Variants in CRLF1 observed in about 807,000 individuals in gnomAD.
CRLF1 encodes the protein cytokine receptor-like factor 1.
CRLF1 carries 36 observed loss-of-function variants against 48.9 expected under a neutral mutation model. The observed-to-expected ratio is 0.74, with a 90% confidence interval of 0.56 to 0.97. CRLF1 has a LOEUF of 0.97. Ranked by LOEUF, CRLF1 falls within the 50% of genes least tolerant of loss-of-function variation. The pLI is 0.00. For synonymous variants in CRLF1, 256 were observed against 253.4 expected, an observed-to-expected ratio of 1.01 and a Z score of -0.10; for missense variants, 534 against 575.1, an observed-to-expected ratio of 0.93 and a Z score of 0.73.
chr19:18,598,681 G>A, intron 3 of CRLF1, 80 bp from the exon 4 acceptor site: 1 of 1,613,740 alleles, frequency 6.2e-7, no homozygotes, highest in Admixed American at 1.7e-5. Context: ...TCAGGGTGCA[G>A]ACAACACATG....
rs1156360635 is a variant in CRLF1, at chr19:18,593,482, A to C, written c.*84T>G. 3.2e-6 allele frequency: 5 copies of C among 1,582,504 alleles called. No individual in the cohort carries two copies. The East Asian group carries it at 9.2e-5, about 29-fold the overall frequency. On this transcript the variant is annotated 3_prime_UTR_variant, in exon 9 of 9. Transcript: ENST00000392386. ...TGCTGAGGGTGGCTCAGGTGCCCTG[A>C]AGTGAGGGTACAGAGGTGGCCCCAG...
chr19:18,605,410 A>T (rs910433408), intron 1 of CRLF1, among the ~76,000 whole-genome samples: 2 of 152,006 alleles, frequency 1.3e-5, no homozygotes, highest in African/African-American at 2.4e-5. Flanking sequence ...GCCTGGGAGC[A>T]GTGTGTGCCC....
chr19:18,604,947 C>T (rs1055449477), intron 1 of CRLF1, among the ~76,000 whole-genome samples: 7 of 152,148 alleles, frequency 4.6e-5, no homozygotes, highest in South Asian at 4.2e-4. Context: ...GCAAGCAGGG[C>T]GGAAGGGTGG....
At chr19:18,597,086 T>C in intron 4 of CRLF1, 37 bp from the exon 5 acceptor site, 1 of 1,597,784 alleles carries the variant, frequency 6.3e-7, no homozygotes, top group Non-Finnish European at 8.5e-7. Context: ...AGCCTGGGAC[T>C]GTCTGGGTTT....
chr19:18,593,971 G>C, intron 8 of CRLF1, 94 bp downstream of exon 8: 1 of 1,514,642 alleles, frequency 6.6e-7, no homozygotes, highest in Non-Finnish European at 8.9e-7. Context: ...CTAAGGCTGG[G>C]GTTGGGAGGC....
intron 2 of CRLF1, 51 bp downstream of exon 2, chr19:18,599,514 G>A: frequency 6.2e-7 from 1 of 1,609,944 alleles, no homozygotes; most frequent in Non-Finnish European, 8.5e-7. Flanking sequence ...ACTCCAGAGG[G>A]AGATGCCGCT....
Position 18,596,616 on chromosome 19 carries a change from G to GCTCA in CRLF1, c.1024+2_1024+5dup, listed in dbSNP as rs777524208. The GCTCA allele has an allele frequency of 7.4e-6, 12 of 1,613,912 alleles. No individual in the cohort carries two copies. The highest frequency in any genetic ancestry group is 4.5e-5 in the East Asian group (2 of 44,884). ...CTGGATCACCCAGCCCTAGGAGGGTGCTCACCACTGCGGGGAGTGGAGGCG... is the reference window on the plus strand; with the variant it reads ...CTGGATCACCCAGCCCTAGGAGGGTGCTCACTCACCACTGCGGGGAGTGGAGGCG... On this transcript the variant is annotated splice_donor_region_variant and intron_variant, in intron 6 of 8. Coordinates refer to ENST00000392386, the MANE Select transcript of CRLF1 (RefSeq NM_004750.5).
chr19:18,599,032 C>T, intron 2 of CRLF1, 131 bp from the exon 3 acceptor site: 2 of 1,519,438 alleles, frequency 1.3e-6, no homozygotes, highest in East Asian at 2.3e-5. Context: ...AGTCTCAGCC[C>T]TGTGCTGAGA....
Position 18,606,559 on chromosome 19 carries a change from C to T in CRLF1, c.98G>A (p.Arg33Gln), listed in dbSNP as rs1382383820. The change falls in exon 1 of 9, where the codon CGA becomes CAA. Residue 33 changes from arginine (R) to glutamine (Q), a missense_variant. Coordinates refer to ENST00000392386, the MANE Select transcript of CRLF1 (RefSeq NM_004750.5). This position sits in a 1 kb window ranked among gnomAD's most constrained non-coding sequence, Gnocchi z 4.8. ...GTACTCACGGGCTCCTGATCCGGCT[C>T]GCGGCGCCCCGAGGACGCAGAGCAG... Reference protein sequence around the residue: ...LLLLCVLGAPRAGSGAHTAVI... With the variant: ...LLLLCVLGAPQAGSGAHTAVI... The T allele has an allele frequency of 1.7e-6, 2 of 1,145,018 alleles. No individual in the cohort carries two copies. Among genetic ancestry groups the T allele is most frequent in the African/African-American group, 1.6e-5 (1 of 60,914 alleles). 70.9% of individuals were successfully genotyped at this position (1,145,018 alleles called of 1,614,324 possible).
chr19:18,598,468 G>A lies in CRLF1; in HGVS notation c.661C>T (p.Arg221Cys), dbSNP rs199625640. 1.6e-4 allele frequency: 266 copies of A among 1,614,104 alleles called. 1 individual carries two copies. In the East Asian group the frequency reaches 4.7e-3, roughly 29 times the overall value. Residue 221 changes from arginine to cysteine, a missense_variant, in exon 4 of 9, where the codon CGC becomes TGC. Transcript: ENST00000392386. The stretch of plus-strand genomic sequence containing the variant: ...ATATCCAGCGTGAGTACATCGGAGC[G>A]GGCAGAGCCCAGGCGGTTGGTGGCC... ...VEATNRLGSA[R>C]SDVLTLDILD...
chr19:18,604,904 T>C (rs778058372), intron 1 of CRLF1, among the ~76,000 whole-genome samples: 47 of 152,220 alleles, frequency 3.1e-4, no homozygotes, highest in Middle Eastern at 6.8e-3. Flanking sequence ...AGGAACACCA[T>C]GTGTTTTAAA....
chr19:18,601,248 T>C (rs1976216670), intron 1 of CRLF1, among the ~76,000 whole-genome samples: 2 of 151,838 alleles, frequency 1.3e-5, no homozygotes, highest in South Asian at 2.1e-4. Flanking sequence ...ATGAAAGCCC[T>C]GACCCTTACT....
At chr19:18,599,166 T>TG (rs1976185490) in intron 2 of CRLF1, 1 of 954,416 alleles carries the variant, frequency 1.0e-6, no homozygotes. Flanking sequence ...AGTGCAATGG[T>TG]GCCATCTCAG....
At chr19:18,594,178 C>T (rs1976096957) in intron 7 of CRLF1, 69 bp downstream of exon 7, 1 of 1,601,162 alleles carries the variant, frequency 6.2e-7, no homozygotes, top group Non-Finnish European at 8.5e-7. Flanking sequence ...TGTCTTCCCC[C>T]TCCCCTGTTT....
At chr19:18,600,491 C>T (rs1004484483) in intron 1 of CRLF1, among the ~76,000 whole-genome samples, 1 of 152,152 alleles carries the variant, frequency 6.6e-6, no homozygotes, top group African/African-American at 2.4e-5. Flanking sequence ...GCCTCAGCCT[C>T]CCAAGTAGCT....
intron 7 of CRLF1, 62 bp from the exon 8 acceptor site, chr19:18,594,169 GTC>G: frequency 1.3e-6 from 2 of 1,597,140 alleles, no homozygotes; most frequent in Non-Finnish European, 1.7e-6. Context: ...ACAGCCTGCT[GTC>G]TTCCCCCTCC....
chr19:18,601,820 A>G (rs765084684), intron 1 of CRLF1, among the ~76,000 whole-genome samples: 1 of 152,148 alleles, frequency 6.6e-6, no homozygotes, highest in Admixed American at 6.5e-5. Context: ...GCTCTGAAAG[A>G]TGGAGTTTCC....
At chr19:18,594,032 T>TGGGGGGGCCCCCCCC in intron 8 of CRLF1, 33 bp downstream of exon 8, 1 of 695,812 alleles carries the variant, frequency 1.4e-6, no homozygotes, top group Non-Finnish European at 2.2e-6. Context: ...CTCCCCTTGC[T>TGGGGGGGCCCCCCCC]CCCTCCCGCC....
intron 4 of CRLF1, 137 bp from the exon 5 acceptor site, chr19:18,597,186 AC>A (rs2145329965): frequency 1.2e-6 from 1 of 830,164 alleles, no homozygotes; most frequent in South Asian, 1.8e-5. Flanking sequence ...CACCCCCAGG[AC>A]TGGTGGATTA....
Sources: gnomAD v4.1 joint callset for allele counts (sites outside exome capture counted in the v4.1 genomes callset) on GRCh38, gnomAD v4.1.1 for gene constraint, Gnocchi (gnomAD v3.1) non-coding constraint, MANE v1.5 for transcripts, NCBI Gene and HGNC (gene_info 2026-07-23, HGNC 2026-07-21) for gene names.